Variants in RABGEF1 observed in about 807,000 individuals in gnomAD.
The protein encoded by RABGEF1 is rab5 GDP/GTP exchange factor.
In RABGEF1, 26 loss-of-function variants were observed where a neutral mutation model predicts 57.3. That is an observed-to-expected ratio of 0.45 (90% CI 0.33 to 0.63). The LOEUF (loss-of-function observed/expected upper bound fraction) is 0.63, where lower values mean the gene tolerates loss of function less well. RABGEF1 is among the 20% of genes least tolerant of loss of function. The pLI is 0.02. For synonymous variants in RABGEF1, 185 were observed against 210.7 expected (o/e 0.88, Z 1.06); for missense variants, 464 against 607.6 (o/e 0.76, Z 2.48).
chr7:66,719,485 AC>A (rs1318297082), intron 2 of RABGEF1, among the ~76,000 whole-genome samples: 2 of 152,206 alleles, frequency 1.3e-5, no homozygotes, highest in African/African-American at 4.8e-5. Context: ...GGCATGAGCC[AC>A]CATGCCTGGC....
intron 1 of RABGEF1, among the ~76,000 whole-genome samples, chr7:66,707,563 C>G (rs1313804297): frequency 6.6e-6 from 1 of 152,124 alleles, no homozygotes; most frequent in African/African-American, 2.4e-5. Flanking sequence ...TGGCACACAC[C>G]TGTAATCCCA....
chr7:66,707,666 C>G (rs1355623334), intron 1 of RABGEF1, among the ~76,000 whole-genome samples: 1 of 152,058 alleles, frequency 6.6e-6, no homozygotes, highest in African/African-American at 2.4e-5. Context: ...CCAGACTGGG[C>G]AAAAGAGCAA....
chr7:66,670,890 C>CGT, the RABGEF1 span, among the ~76,000 whole-genome samples: 1 of 145,096 alleles, frequency 6.9e-6, no homozygotes, highest in East Asian at 2.1e-4. Flanking sequence ...AATACACATA[C>CGT]GTATACACAC....
chr7:66,680,693 T>A (rs1789648884), upstream of RABGEF1, among the ~76,000 whole-genome samples: 2 of 152,078 alleles, frequency 1.3e-5, no homozygotes, highest in Admixed American at 6.5e-5. Flanking sequence ...ACGCCTGTAA[T>A]CCCAGCATTT....
chr7:66,672,281 A>C, the RABGEF1 span, among the ~76,000 whole-genome samples: 1 of 151,706 alleles, frequency 6.6e-6, no homozygotes, highest in African/African-American at 2.4e-5. Context: ...AAAAAAAAAA[A>C]ATTAGCCGGG....
At chr7:66,807,476 G>T (rs1218603663) in intron 8 of RABGEF1, among the ~76,000 whole-genome samples, 1 of 152,108 alleles carries the variant, frequency 6.6e-6, no homozygotes, top group Admixed American at 6.5e-5. Flanking sequence ...GTCATTCCAT[G>T]GGACTCCATT....
intron 7 of RABGEF1, among the ~76,000 whole-genome samples, chr7:66,803,527 C>G (rs1261972604): frequency 4.6e-5 from 7 of 152,208 alleles, no homozygotes; most frequent in Non-Finnish European, 1.0e-4. Flanking sequence ...TTCGCTGTCC[C>G]CCAGGCTTGT....
At chr7:66,728,711 GCT>G (rs759191747) in intron 2 of RABGEF1, among the ~76,000 whole-genome samples, 3 of 818 alleles carry the variant, frequency 3.7e-3, no homozygotes, top group Non-Finnish European at 6.9e-3. Context: ...TCAACTTTCA[GCT>G]CTGTCCTCAC....
chr7:66,763,492 CTG>C (rs1477335493), intron 1 of RABGEF1, among the ~76,000 whole-genome samples: 28 of 152,226 alleles, frequency 1.8e-4, no homozygotes, highest in African/African-American at 5.1e-4. Context: ...ACTTCACATT[CTG>C]TCTCTTCTGT....
chr7:66,680,444 C>G (rs1428588306), upstream of RABGEF1, among the ~76,000 whole-genome samples: 1 of 151,844 alleles, frequency 6.6e-6, no homozygotes, highest in African/African-American at 2.4e-5. Context: ...GGGTTTCTCT[C>G]TGTTGGTTCT....
intron 1 of RABGEF1, chr7:66,712,123 A>G (rs1273165635): frequency 6.6e-6 from 1 of 152,216 alleles, no homozygotes. Flanking sequence ...TATGTCTACA[A>G]AAATCCTGCT....
intron 2 of RABGEF1, among the ~76,000 whole-genome samples, chr7:66,727,197 ATC>A (rs1314775201): frequency 6.6e-6 from 1 of 152,180 alleles, no homozygotes; most frequent in Non-Finnish European, 1.5e-5. Context: ...TGGCTGTAGA[ATC>A]GGGATCTTTG....
chr7:66,748,213 C>T (rs3778906), intron 1 of RABGEF1, among the ~76,000 whole-genome samples: 5,592 of 152,156 alleles, frequency 0.037, 161 homozygotes, highest in East Asian at 0.086. Flanking sequence ...TTGTGTAAGA[C>T]GGTGACATAA....
At chr7:66,691,020 G>C (rs1470471772) in intron 1 of RABGEF1, among the ~76,000 whole-genome samples, 1 of 152,154 alleles carries the variant, frequency 6.6e-6, no homozygotes, top group East Asian at 1.9e-4. Flanking sequence ...GAACCGGGGA[G>C]GCAGGGGTTG....
At chr7:66,742,942 T>A (rs1325775642) in intron 1 of RABGEF1, among the ~76,000 whole-genome samples, 2 of 152,132 alleles carry the variant, frequency 1.3e-5, no homozygotes, top group Non-Finnish European at 2.9e-5. Context: ...AGGACAGAGA[T>A]GTAGGAGCTC....
At chr7:66,755,414 T>C (rs1174374187) in intron 1 of RABGEF1, among the ~76,000 whole-genome samples, 1 of 152,170 alleles carries the variant, frequency 6.6e-6, no homozygotes. Flanking sequence ...CAGTCATGGC[T>C]ACAGTGAGCT....
chr7:66,726,985 C>T (rs533035893), intron 2 of RABGEF1, among the ~76,000 whole-genome samples: 2 of 151,946 alleles, frequency 1.3e-5, no homozygotes, highest in African/African-American at 4.8e-5. Flanking sequence ...GCCTGGGTGT[C>T]GCAGCAAGAC....
At chr7:66,774,754 T>A (rs188334324) in intron 2 of RABGEF1, among the ~76,000 whole-genome samples, 1 of 152,278 alleles carries the variant, frequency 6.6e-6, no homozygotes, top group Non-Finnish European at 1.5e-5. Flanking sequence ...AGTGACACTC[T>A]GTCTCAAAAA....
At chr7:66,678,793 T>G (rs975561280), upstream of RABGEF1, among the ~76,000 whole-genome samples, 4 of 152,114 alleles carry the variant, frequency 2.6e-5, no homozygotes, top group African/African-American at 7.2e-5. Context: ...CTGGCAAGCA[T>G]GGACAAAGGA....
Sources: gnomAD v4.1 joint callset for allele counts (sites outside exome capture counted in the v4.1 genomes callset) on GRCh38, gnomAD v4.1.1 for gene constraint, MANE v1.5 for transcripts, NCBI Gene and HGNC (gene_info 2026-07-23, HGNC 2026-07-21) for gene names.